SHPRH: variants seen among roughly 807,000 people sequenced by gnomAD.
The protein encoded by SHPRH is SNF2 histone linker PHD RING helicase.
SHPRH carries 106 observed loss-of-function variants against 202.5 expected under a neutral mutation model. That is an observed-to-expected ratio of 0.52 (90% CI 0.45 to 0.62). SHPRH has a LOEUF of 0.62. SHPRH is among the 20% of genes least tolerant of loss of function. The pLI, the probability that SHPRH is intolerant of heterozygous loss-of-function variation, is 0.00. For missense variants in SHPRH, 1,710 were observed against 2,020.0 expected (o/e 0.85, Z 2.94); for synonymous variants, 729 against 686.0 (o/e 1.06, Z -0.98).
chr6:145,928,034 T>C (rs1461109214), intron 14 of SHPRH, among the ~76,000 whole-genome samples: 1 of 151,986 alleles, frequency 6.6e-6, no homozygotes, highest in Non-Finnish European at 1.5e-5. Context: ...CATTCTTAAA[T>C]AGTTGAAAAA....
chr6:145,913,715 T>A (rs970389088), intron 23 of SHPRH, among the ~76,000 whole-genome samples, 166 bp from the exon 24 acceptor site: 2 of 152,174 alleles, frequency 1.3e-5, no homozygotes, highest in African/African-American at 4.8e-5. Context: ...AGATTATTCC[T>A]GAGACTTCCT....
rs777741548 is a variant in SHPRH, at chr6:145,943,489, T to C, written c.1892A>G (p.Asp631Gly). 10 of 1,614,040 alleles carry C rather than the reference T, an allele frequency of 6.2e-6. No individual in the cohort carries two copies. The highest frequency in any genetic ancestry group is 2.2e-5 in the East Asian group (1 of 44,868). The change falls in exon 9 of 30, where the codon GAC becomes GGC. Residue 631 changes from aspartate to glycine, a missense_variant. Asp to Gly is a moderately conservative substitution (Grantham distance 94). This residue lies in a region of SHPRH where 348 missense variants were observed against 356.9 expected (regional missense o/e 0.97). Coordinates refer to ENST00000275233, the MANE Select transcript of SHPRH (RefSeq NM_001042683.3). ...SEFNQEHETEDCAESLNHADS... is the reference protein window; with the variant it reads ...SEFNQEHETEGCAESLNHADS... ...AGCATGATTTAGAGATTCAGCACAG[T>C]CCTCTGTTTCATGTTCTTGGTTGAA...
downstream of SHPRH, among the ~76,000 whole-genome samples, chr6:145,862,446 CAA>C (rs1053842941): frequency 9.0e-6 from 1 of 111,526 alleles, no homozygotes; most frequent in Admixed American, 8.0e-5. Context: ...AACAAAAAAA[CAA>C]AAACAACAAC....
At chr6:145,934,104 T>C (rs1785766714) in intron 13 of SHPRH, among the ~76,000 whole-genome samples, 1 of 151,922 alleles carries the variant, frequency 6.6e-6, no homozygotes, top group Non-Finnish European at 1.5e-5. Flanking sequence ...TTTGAGAGGG[T>C]GAGACAGGAG....
chr6:145,963,734 G>A lies in SHPRH; in HGVS notation c.-36C>T, dbSNP rs1317398619. 6.6e-6 allele frequency: 1 copy of A among 151,566 alleles called. No individual in the cohort carries two copies. The allele number at this position is 151,566 out of a possible 1,614,324, so 9.4% of individuals were successfully genotyped here. On this transcript the variant is annotated 5_prime_UTR_variant, in exon 1 of 30. Coordinates refer to ENST00000275233, the MANE Select transcript of SHPRH (RefSeq NM_001042683.3). ...ATCTGCGGCGCACGGTACCCACTCAGTTATCTTCCGAAAGACCCACAAGCG... is the reference window on the plus strand; with the variant it reads ...ATCTGCGGCGCACGGTACCCACTCAATTATCTTCCGAAAGACCCACAAGCG...
intron 2 of SHPRH, among the ~76,000 whole-genome samples, chr6:145,876,277 G>C (rs1780297963): frequency 6.6e-6 from 1 of 152,104 alleles, no homozygotes; most frequent in Non-Finnish European, 1.5e-5. Flanking sequence ...AGGAGGCCAA[G>C]GCAGGAGGAT....
Position 145,950,373 on chromosome 6 carries a change from G to C in SHPRH, c.873C>G (p.Ile291Met). Residue 291 changes from isoleucine (I) to methionine (M), a missense_variant, in exon 4 of 30, where the codon ATC becomes ATG. Ile to Met is a conservative substitution (Grantham distance 10). Around this residue, in one of 8 missense-constraint regions of SHPRH, gnomAD observed 459 missense variants for 426.5 expected, o/e 1.08. Coordinates refer to ENST00000275233, the MANE Select transcript of SHPRH (RefSeq NM_001042683.3). The part of the protein sequence containing the change: ...KQTHQQETQS[I>M]QVDVQHPALI... ...ATGCAGGATGCTGGACATCCACTTGGATGGACTGCGTTTCTTGCTGATGTG... is the reference window on the plus strand; with the variant it reads ...ATGCAGGATGCTGGACATCCACTTGCATGGACTGCGTTTCTTGCTGATGTG... 6.2e-7 allele frequency: 1 copy of C among 1,613,282 alleles called. No homozygotes were observed. The highest frequency in any genetic ancestry group is 8.5e-7 in the Non-Finnish European group (1 of 1,179,448).
At chr6:145,892,288 T>G (rs186417130) in intron 28 of SHPRH, among the ~76,000 whole-genome samples, 2 of 152,178 alleles carry the variant, frequency 1.3e-5, no homozygotes, top group African/African-American at 4.8e-5. Flanking sequence ...TTTGAAATAA[T>G]TATTCCTTCA....
chr6:145,947,497 G>A lies in SHPRH; in HGVS notation c.1208C>T (p.Pro403Leu). ...QDVKQDALTL[P>L]EGKVVNYFIP... Reference sequence around the variant, plus strand: ...AGCCCTACTATACCCTCCTACCTCGGGAAGAGTGAGAGCATCTTGCTTGAC... The same window carrying A: ...AGCCCTACTATACCCTCCTACCTCGAGAAGAGTGAGAGCATCTTGCTTGAC... Residue 403 changes from proline to leucine, a missense_variant, in exon 6 of 30, where the codon CCC becomes CTC. Transcript: ENST00000275233. 1 of 1,612,344 alleles carries A rather than the reference G, an allele frequency of 6.2e-7. No homozygotes were observed. The highest frequency in any genetic ancestry group is 1.1e-5 in the South Asian group (1 of 90,982).
chr6:145,944,069 T>A (rs1474933855), intron 8 of SHPRH, among the ~76,000 whole-genome samples: 1 of 152,156 alleles, frequency 6.6e-6, no homozygotes. Flanking sequence ...GATATTTTGT[T>A]ATTTACCTAC....
chr6:145,865,353 T>C (rs1202987403), intron 2 of SHPRH, among the ~76,000 whole-genome samples: 2 of 152,122 alleles, frequency 1.3e-5, no homozygotes, highest in African/African-American at 2.4e-5. Context: ...TGTGAGGACA[T>C]AGAAGTAGAT....
intron 2 of SHPRH, among the ~76,000 whole-genome samples, chr6:145,874,805 C>A (rs1201253505): frequency 6.6e-6 from 1 of 152,148 alleles, no homozygotes; most frequent in African/African-American, 2.4e-5. Flanking sequence ...ATGAAAATCT[C>A]CTGAATAAAC....
At chr6:145,921,541 T>C (rs1373617193) in intron 20 of SHPRH, 149 bp from the exon 21 acceptor site, 2 of 60,116 alleles carry the variant, frequency 3.3e-5, no homozygotes, top group Admixed American at 5.3e-4. Flanking sequence ...ATTTGGCCAG[T>C]TTTTTTTTTT....
At chr6:145,931,924 A>C (rs1376633110) in intron 14 of SHPRH, among the ~76,000 whole-genome samples, 1 of 149,710 alleles carries the variant, frequency 6.7e-6, no homozygotes, top group Non-Finnish European at 1.5e-5. Context: ...ACTCCAATAC[A>C]TTTATATTAG....
chr6:145,894,996 A>G lies in SHPRH; in HGVS notation c.4516-19T>C. The stretch of plus-strand genomic sequence containing the variant: ...GGCTGCCCTTTGAACACACACACAA[A>G]ATACACATTACTACTAAAAAATCTA... On this transcript the variant is annotated intron_variant, in intron 25 of 29. Coordinates refer to ENST00000275233, the MANE Select transcript of SHPRH (RefSeq NM_001042683.3). 6.2e-7 allele frequency: 1 copy of G among 1,603,448 alleles called. No homozygotes were observed. The highest frequency in any genetic ancestry group is 8.5e-7 in the Non-Finnish European group (1 of 1,171,784).
chr6:145,888,092 A>ATAG lies in SHPRH; in HGVS notation c.4880_4882dup (p.Thr1627dup), dbSNP rs1562284379. ...TGCTTTAATTAAGAATCTGTGTACA[A>ATAG]TAGTAGGTCTAAAAGGTACAGAAGA... is the stretch of plus-strand genomic sequence containing the variant. On this transcript the variant is annotated inframe_insertion, in exon 29 of 30. Transcript: ENST00000275233. 6.2e-7 allele frequency: 1 copy of ATAG among 1,609,478 alleles called. No homozygotes were observed. The highest frequency in any genetic ancestry group is 8.5e-7 in the Non-Finnish European group (1 of 1,176,264).
Position 145,946,352 on chromosome 6 carries a change from C to G in SHPRH, c.1213-11G>C. On this transcript the variant is annotated splice_polypyrimidine_tract_variant and intron_variant, in intron 6 of 29. Transcript: ENST00000275233. The stretch of plus-strand genomic sequence containing the variant: ...ATTCACCACTTTTCCCTGATACAAA[C>G]AACAGTCAGTAGTTACACAGTGTTT... The G allele has an allele frequency of 6.3e-7, 1 of 1,588,484 alleles. No homozygotes were observed. Among genetic ancestry groups the G allele is most frequent in the South Asian group, 1.1e-5 (1 of 88,846 alleles).
chr6:145,907,908 C>T (rs1262158990), intron 25 of SHPRH: 1 of 152,102 alleles, frequency 6.6e-6, no homozygotes, highest in African/African-American at 2.4e-5. Flanking sequence ...CCTCTTAGTT[C>T]CCTCTCCTTA....
At chr6:145,945,285 C>G in intron 8 of SHPRH, 96 bp downstream of exon 8, 3 of 1,370,902 alleles carry the variant, frequency 2.2e-6, no homozygotes, top group Non-Finnish European at 2.9e-6. Context: ...ATCTTCAGAT[C>G]GTAAGAGTTT....
Sources: gnomAD v4.1 joint callset for allele counts (sites outside exome capture counted in the v4.1 genomes callset) on GRCh38, gnomAD v4.1.1 for gene constraint, gnomAD v4.1.1 regional missense constraint, MANE v1.5 for transcripts, NCBI Gene and HGNC (gene_info 2026-07-23, HGNC 2026-07-21) for gene names.